Variants in CD200 observed in about 807,000 individuals in gnomAD.
CD200 encodes the protein CD200 molecule.
In CD200, 15 loss-of-function variants were observed where a neutral mutation model predicts 30.9. The observed-to-expected ratio is 0.49, with a 90% CI of 0.32 to 0.75. The LOEUF (loss-of-function observed/expected upper bound fraction) is 0.75. Ranked by LOEUF, CD200 falls within the 30% of genes least tolerant of loss-of-function variation. CD200 has a pLI of 0.03. For missense variants in CD200, 262 were observed against 324.2 expected (o/e 0.81, Z 1.47); for synonymous variants, 134 against 126.2 (o/e 1.06, Z -0.41).
intron 5 of CD200, among the ~76,000 whole-genome samples, chr3:112,359,547 C>T (rs912812893): frequency 6.6e-6 from 1 of 152,194 alleles, no homozygotes; most frequent in Non-Finnish European, 1.5e-5. Flanking sequence ...GAAGTTATTA[C>T]ATTTAATTCT....
At position 112,344,983 on chromosome 3, in the gene CD200, A is replaced by T. The variant is rs1465337324; in HGVS notation, c.116A>T (p.Glu39Val). ...TAQVQVVTQD[E>V]REQLYTPASL... ...ATAGTGCAAGTGGTGACCCAGGATG[A>T]AAGAGAGCAGCTGTACACACCTGCT... The change falls in exon 3 of 6, where the codon GAA becomes GTA. Residue 39 changes from glutamate (E) to valine (V), a missense_variant. By Grantham distance (121) the Glu-to-Val change is moderately radical (BLOSUM62 -2). Transcript: ENST00000315711. 1.9e-6 allele frequency: 3 copies of T among 1,612,972 alleles called. No individual in the cohort carries two copies. The highest frequency in any genetic ancestry group is 2.5e-6 in the Non-Finnish European group (3 of 1,179,398).
chr3:112,357,271 A>AG (rs1553720697), intron 5 of CD200, among the ~76,000 whole-genome samples: 1,438 of 139,754 alleles, frequency 0.01, 33 homozygotes, highest in African/African-American at 0.036. Flanking sequence ...AAAAAAAAAA[A>AG]AAAGAAAGAA....
chr3:112,353,636 T>A (rs2108466500), intron 5 of CD200, among the ~76,000 whole-genome samples: 1 of 152,288 alleles, frequency 6.6e-6, no homozygotes, highest in East Asian at 1.9e-4. Flanking sequence ...CGATAAACAA[T>A]TTGTGATGAT....
At chr3:112,336,031 CCTACCTATGAAGGGACTTGGTTAGTAA>C (rs2081108208) in intron 1 of CD200, 2 of 1,560,024 alleles carry the variant, frequency 1.3e-6, no homozygotes, top group Non-Finnish European at 1.8e-6. Flanking sequence ...ATTTTCTACC[CCTACCTATGAAGGGACTTGGTTAGTAA>C]CTTCTCTTGC....
intron 5 of CD200, among the ~76,000 whole-genome samples, chr3:112,353,931 A>C (rs1249516486): frequency 1.3e-5 from 2 of 152,224 alleles, no homozygotes; most frequent in Non-Finnish European, 2.9e-5. Context: ...AAAGCGATAA[A>C]GAATCTTCAT....
chr3:112,344,904 G>T, intron 2 of CD200, 58 bp from the exon 3 acceptor site: 4 of 1,250,190 alleles, frequency 3.2e-6, no homozygotes, highest in South Asian at 1.5e-5. Flanking sequence ...TTATAATCAG[G>T]AAAAAGTGTA....
chr3:112,341,337 A>T (rs1037810262), intron 2 of CD200, among the ~76,000 whole-genome samples: 1 of 152,238 alleles, frequency 6.6e-6, no homozygotes, highest in Non-Finnish European at 1.5e-5. Context: ...TTGGAAAGTA[A>T]TCTGGCAGTA....
upstream of CD200, chr3:112,332,951 G>A: frequency 1.8e-6 from 1 of 546,062 alleles, no homozygotes; most frequent in Non-Finnish European, 3.2e-6. Context: ...CACTTTGTCA[G>A]TTTCCCCAGC....
chr3:112,350,972 T>C (rs1021475423), intron 5 of CD200, among the ~76,000 whole-genome samples: 10 of 152,196 alleles, frequency 6.6e-5, no homozygotes, highest in Non-Finnish European at 1.2e-4. Flanking sequence ...AAGGTATTTG[T>C]TCTGTCCAGG....
intron 5 of CD200, among the ~76,000 whole-genome samples, chr3:112,358,681 G>A (rs946491786): frequency 9.9e-5 from 15 of 152,268 alleles, no homozygotes; most frequent in African/African-American, 2.6e-4. Context: ...ACCTGAAGGT[G>A]CTTGTAGATC....
intron 1 of CD200, among the ~76,000 whole-genome samples, chr3:112,334,731 T>A (rs980943463): frequency 3.7e-4 from 56 of 150,370 alleles, no homozygotes; most frequent in African/African-American, 1.3e-3. Flanking sequence ...TTTTCAGTTA[T>A]TCTGCACAGA....
At chr3:112,358,023 A>G (rs1408998435) in intron 5 of CD200, among the ~76,000 whole-genome samples, 2 of 152,210 alleles carry the variant, frequency 1.3e-5, no homozygotes, top group Non-Finnish European at 2.9e-5. Context: ...CTCAGGATGC[A>G]AGGCAGACAC....
chr3:112,338,570 G>T (rs1190808198), intron 1 of CD200, among the ~76,000 whole-genome samples: 1 of 152,154 alleles, frequency 6.6e-6, no homozygotes, highest in Admixed American at 6.6e-5. Flanking sequence ...TGAGCTGCAG[G>T]TAGTGACAGA....
chr3:112,333,106 G>A (rs1294850880), upstream of CD200: 75 of 1,504,648 alleles, frequency 5.0e-5, no homozygotes, highest in Non-Finnish European at 6.4e-5. Flanking sequence ...AGGAGGAAGA[G>A]GCGGGAGGTG....
At chr3:112,343,744 T>C (rs1210820310) in intron 2 of CD200, among the ~76,000 whole-genome samples, 2 of 152,232 alleles carry the variant, frequency 1.3e-5, no homozygotes, top group African/African-American at 2.4e-5. Flanking sequence ...CGGAGTTATG[T>C]TGTTAGGTGC....
At chr3:112,345,449 A>G (rs2081363465) in intron 3 of CD200, among the ~76,000 whole-genome samples, 161 bp downstream of exon 3, 1 of 152,160 alleles carries the variant, frequency 6.6e-6, no homozygotes, top group Admixed American at 6.5e-5. Context: ...GATTATTTGG[A>G]GAGTTCATGG....
At chr3:112,340,366 G>A (rs2399416) in intron 1 of CD200, among the ~76,000 whole-genome samples, 42,288 of 152,024 alleles carry the variant, frequency 0.28, 6,753 homozygotes, top group Non-Finnish European at 0.37. Flanking sequence ...ATAAGGCAGC[G>A]AAGGAAAAAA....
intron 1 of CD200, among the ~76,000 whole-genome samples, chr3:112,338,960 C>T (rs535793844): frequency 2.0e-5 from 3 of 152,282 alleles, no homozygotes; most frequent in Non-Finnish European, 2.9e-5. Context: ...TACTTAACTT[C>T]TCTGTGCCTC....
At chr3:112,336,153 A>G in intron 1 of CD200, 1 of 650,706 alleles carries the variant, frequency 1.5e-6, no homozygotes, top group South Asian at 1.8e-5. Flanking sequence ...TCCTCTTGAA[A>G]TTTCCCTCAT....
Sources: allele counts gnomAD v4.1 joint callset (sites outside exome capture counted in the v4.1 genomes callset), GRCh38; gene constraint gnomAD v4.1.1; transcripts MANE v1.5; gene names NCBI Gene and HGNC (gene_info 2026-07-23, HGNC 2026-07-21).